TSPAN18: variants seen among roughly 807,000 people sequenced by gnomAD.
TSPAN18 encodes the protein tetraspanin 18, also known as tetraspanin-18.
In TSPAN18, 14 loss-of-function variants were observed where a neutral mutation model predicts 27.3. The ratio of observed to expected loss-of-function variants is 0.51; its 90% CI spans 0.34 to 0.80. The LOEUF (loss-of-function observed/expected upper bound fraction) is 0.80. Among genes scored for constraint, TSPAN18 ranks in the 30% least tolerant of loss-of-function variants. The probability of loss-of-function intolerance (pLI) is 0.01; values close to 1 mark genes in which losing one functional copy is unlikely to be tolerated. For synonymous variants in TSPAN18, 143 were observed against 136.5 expected (o/e 1.05, Z -0.33); for missense variants, 268 against 323.9 (o/e 0.83, Z 1.32).
At position 44,917,777 on chromosome 11, in the gene TSPAN18, C is replaced by G. The variant is rs564638128; in HGVS notation, c.259-195C>G. On this transcript the variant is annotated intron_variant, in intron 5 of 9. Transcript: ENST00000520358. ...TTGTTTATTCTTTTCATATTTTGAT[C>G]TCAATCCTGTTGACTCCAAGGAGGA... 6.7e-6 allele frequency: 4 copies of G among 597,158 alleles called. No homozygotes were observed. The East Asian group carries it at 8.3e-5, about 12-fold the overall frequency. The allele number at this position is 597,158 out of a possible 1,614,324, so 37.0% of individuals were successfully genotyped here.
intron 1 of TSPAN18, among the ~76,000 whole-genome samples, chr11:44,742,140 T>C (rs539968869): frequency 7.7e-4 from 118 of 152,280 alleles, no homozygotes; most frequent in African/African-American, 2.8e-3. Context: ...AATATTTGTC[T>C]GAAGCATAGC....
At chr11:44,830,628 C>A (rs958376381) in intron 2 of TSPAN18, among the ~76,000 whole-genome samples, 9 of 152,182 alleles carry the variant, frequency 5.9e-5, no homozygotes, top group African/African-American at 1.9e-4. Flanking sequence ...GCAAAGGGGG[C>A]TTAGGGCAGG....
chr11:44,811,217 C>G (rs1322986849), intron 2 of TSPAN18, among the ~76,000 whole-genome samples: 1 of 151,712 alleles, frequency 6.6e-6, no homozygotes, highest in African/African-American at 2.4e-5. Context: ...AGCTTTTCCA[C>G]TAGTTGTTGT....
rs78407249 is a variant in TSPAN18, at chr11:44,864,401, A to G, written c.-11+3932A>G. ...CAGAATCACATTTATTCATTCATTC[A>G]CCAACACTTCATTGAGCACTTACTG... On this transcript the variant is annotated intron_variant, in intron 3 of 9. Transcript: ENST00000520358. Among the ~76,000 whole-genome samples, 1,121 of 151,778 alleles carry G rather than the reference A, an allele frequency of 7.4e-3. 25 individuals carry two copies. Among genetic ancestry groups the G allele is most frequent in the East Asian group, 0.059 (305 of 5,160 alleles).
chr11:44,924,687 G>C (rs1217274098), intron 8 of TSPAN18, among the ~76,000 whole-genome samples: 1 of 146,844 alleles, frequency 6.8e-6, no homozygotes, highest in African/African-American at 2.5e-5. Context: ...TCGCAGAGCA[G>C]GTTAGTTTTT....
At chr11:44,758,129 A>G (rs1165060664) in intron 1 of TSPAN18, among the ~76,000 whole-genome samples, 1 of 152,156 alleles carries the variant, frequency 6.6e-6, no homozygotes, top group Non-Finnish European at 1.5e-5. Flanking sequence ...CTTGTTCTTG[A>G]TCTTAGAAGA....
At chr11:44,779,089 T>C (rs1271176371) in intron 2 of TSPAN18, among the ~76,000 whole-genome samples, 1 of 152,108 alleles carries the variant, frequency 6.6e-6, no homozygotes, top group Admixed American at 6.5e-5. Flanking sequence ...AGGCCACATG[T>C]ATCTGTCCTG....
At chr11:44,790,558 G>A (rs971280538) in intron 2 of TSPAN18, among the ~76,000 whole-genome samples, 2 of 150,536 alleles carry the variant, frequency 1.3e-5, no homozygotes, top group African/African-American at 2.4e-5. Flanking sequence ...GTGTGTGCAT[G>A]TGTTCGTGTG....
At chr11:44,763,153 C>A (rs1417294672) in intron 1 of TSPAN18, among the ~76,000 whole-genome samples, 2 of 152,192 alleles carry the variant, frequency 1.3e-5, no homozygotes, top group African/African-American at 4.8e-5. Flanking sequence ...TCATCATTAT[C>A]ATTCGAGAGA....
chr11:44,800,999 C>T (rs1856467737), intron 2 of TSPAN18, among the ~76,000 whole-genome samples: 1 of 152,238 alleles, frequency 6.6e-6, no homozygotes, highest in South Asian at 2.1e-4. Flanking sequence ...CCAAGCCTCA[C>T]ATCTTCTGAC....
At chr11:44,885,450 C>T (rs1858616309) in intron 3 of TSPAN18, among the ~76,000 whole-genome samples, 1 of 152,168 alleles carries the variant, frequency 6.6e-6, no homozygotes, top group South Asian at 2.1e-4. Flanking sequence ...CAGCGTCCTT[C>T]CGGGCCTGGA....
chr11:44,753,344 A>T (rs1265497440), intron 1 of TSPAN18, among the ~76,000 whole-genome samples: 1 of 152,166 alleles, frequency 6.6e-6, no homozygotes, highest in East Asian at 1.9e-4. Flanking sequence ...GTTGGCCAGG[A>T]TGGTCTTGAT....
chr11:44,744,955 A>G (rs1406484239), intron 1 of TSPAN18, among the ~76,000 whole-genome samples: 2 of 152,190 alleles, frequency 1.3e-5, no homozygotes, highest in Non-Finnish European at 2.9e-5. Context: ...AGGAGTGCCA[A>G]GATCAATTAT....
intron 3 of TSPAN18, among the ~76,000 whole-genome samples, chr11:44,881,883 C>T (rs1858498944): frequency 6.6e-6 from 1 of 152,194 alleles, no homozygotes; most frequent in African/African-American, 2.4e-5. Context: ...TGATATGATG[C>T]CTTCTATAAA....
In TSPAN18 at chr11:44,909,799, C is replaced by G. The variant is rs376924231; in HGVS notation, c.158C>G (p.Thr53Arg). 1 of 1,614,018 alleles carries G rather than the reference C, an allele frequency of 6.2e-7. No individual in the cohort carries two copies. Among genetic ancestry groups the G allele is most frequent in the South Asian group, 1.1e-5 (1 of 91,064 alleles). The change falls in exon 5 of 10, where the codon ACG becomes AGG. Residue 53 changes from threonine to arginine, a missense_variant. Thr to Arg is a moderately conservative substitution (Grantham distance 71, BLOSUM62 -1). Transcript: ENST00000520358. The stretch of plus-strand genomic sequence containing the variant: ...GTGGCTGCCAATCCTCTGCTCCTCA[C>G]GGGCGCCTACATCCTCCTGGCCATG... ...EIVAANPLLL[T>R]GAYILLAMGG...
chr11:44,918,034 C>A lies in TSPAN18; in HGVS notation c.321C>A (p.Ile107=), dbSNP rs749473945. Residue 107 remains isoleucine (I), a synonymous_variant, in exon 6 of 10, where the codon ATC becomes ATA. Transcript: ENST00000520358. ...TCTCAGCAGCCATCCTGGCCTTCAT[C>A]TTCAGGGAAAATGTACGTATCAGGC... ...AELSAAILAF[I]FRENLTREFF... 6.2e-7 allele frequency: 1 copy of A among 1,614,084 alleles called. No homozygotes were observed. The highest frequency in any genetic ancestry group is 8.5e-7 in the Non-Finnish European group (1 of 1,180,024).
chr11:44,871,394 C>A (rs971194544), intron 3 of TSPAN18, among the ~76,000 whole-genome samples: 1 of 152,118 alleles, frequency 6.6e-6, no homozygotes, highest in Non-Finnish European at 1.5e-5. Flanking sequence ...TCCTCATGAC[C>A]TAATTACCTC....
chr11:44,825,661 G>A (rs1857024602), intron 2 of TSPAN18, among the ~76,000 whole-genome samples: 1 of 152,184 alleles, frequency 6.6e-6, no homozygotes, highest in Non-Finnish European at 1.5e-5. Context: ...TCTCCTTACA[G>A]GTTTCAGGGA....
At position 44,780,012 on chromosome 11, in the gene TSPAN18, T is replaced by C. The variant is rs1855901017; in HGVS notation, c.-153+15500T>C. On this transcript the variant is annotated intron_variant, in intron 2 of 9. Transcript: ENST00000520358. Reference sequence around the variant, plus strand: ...CTGCACACACCTGCCTCCGCATTCCTATGCGCATCTATGCATACACCTGTA... The same window carrying C: ...CTGCACACACCTGCCTCCGCATTCCCATGCGCATCTATGCATACACCTGTA... 1.3e-5 allele frequency among the ~76,000 whole-genome samples: 2 copies of C among 152,234 alleles called. 1 individual carries two copies. The highest frequency in any genetic ancestry group is 4.1e-4 in the South Asian group (2 of 4,836).
Sources: allele counts gnomAD v4.1 joint callset (sites outside exome capture counted in the v4.1 genomes callset), GRCh38; gene constraint gnomAD v4.1.1; transcripts MANE v1.5; gene names NCBI Gene and HGNC (gene_info 2026-07-23, HGNC 2026-07-21).